The following DNAH17 variants were observed in gnomAD, a reference collection of about 807,000 sequenced individuals.
DNAH17 encodes dynein axonemal heavy chain 17, also known as axonemal beta dynein heavy chain 17.
Under a neutral mutation model 485.6 loss-of-function variants are expected in DNAH17, and 376 were observed. The observed-to-expected ratio is 0.77, with a 90% CI of 0.71 to 0.84. The LOEUF is 0.84. DNAH17 is among the 40% of genes least tolerant of loss of function. The probability of loss-of-function intolerance (pLI) is 0.00; values close to 1 mark genes in which losing one functional copy is unlikely to be tolerated. For synonymous variants in DNAH17, 3,031 were observed against 2,405.9 expected (o/e 1.26, Z -7.60); for missense variants, 6,370 against 5,839.3 (o/e 1.09, Z -2.96).
chr17:78,450,130 C>G, intron 68 of DNAH17, 124 bp downstream of exon 68: 3 of 1,172,228 alleles, frequency 2.6e-6, no homozygotes, highest in Non-Finnish European at 3.6e-6. Context: ...CAGGCTGGAC[C>G]AGGTCTGCCC....
chr17:78,534,517 G>A (rs1256409122), intron 19 of DNAH17, among the ~76,000 whole-genome samples: 2 of 152,214 alleles, frequency 1.3e-5, no homozygotes, highest in Admixed American at 6.5e-5. Flanking sequence ...GCTCGCCTGT[G>A]CCTGACATTT....
chr17:78,431,273 G>A (rs74001323), intron 75 of DNAH17, among the ~76,000 whole-genome samples: 2,748 of 152,226 alleles, frequency 0.018, 71 homozygotes, highest in African/African-American at 0.062. Flanking sequence ...AACTGTTTGC[G>A]GGCTGCTTTT....
intron 12 of DNAH17, 90 bp downstream of exon 12, chr17:78,561,625 G>T (rs2092156634): frequency 7.0e-7 from 1 of 1,427,058 alleles, no homozygotes. Context: ...TCGACAGGAG[G>T]GGTGGTCCCG....
At chr17:78,447,881 A>G (rs2087378101) in intron 69 of DNAH17, among the ~76,000 whole-genome samples, 1 of 152,150 alleles carries the variant, frequency 6.6e-6, no homozygotes, top group South Asian at 2.1e-4. Flanking sequence ...AAACATTTTA[A>G]AAAATTAGGG....
In DNAH17 at chr17:78,480,847, C is replaced by G. The variant is rs2089316519; in HGVS notation, c.7650-61G>C. On this transcript the variant is annotated intron_variant, in intron 48 of 80. Transcript: ENST00000389840. ...GGCCTGGAGGAACCATCCCCTGCCC[C>G]CACTGTGCTCCCAAGAATGCCCTCC... The G allele has an allele frequency of 1.7e-5, 20 of 1,168,276 alleles. No homozygotes were observed. The South Asian group carries it at 2.5e-4, about 14-fold the overall frequency. 72.4% of individuals were successfully genotyped at this position (1,168,276 alleles called of 1,614,324 possible).
At chr17:78,462,799 T>C (rs1338613733) in intron 57 of DNAH17, 45 bp downstream of exon 57, 3 of 1,598,720 alleles carry the variant, frequency 1.9e-6, no homozygotes, top group Non-Finnish European at 2.6e-6. Context: ...CTGCGAGGCC[T>C]CCAGGGAACG....
intron 75 of DNAH17, among the ~76,000 whole-genome samples, chr17:78,431,349 C>A (rs1033356689): frequency 2.0e-5 from 3 of 152,148 alleles, no homozygotes; most frequent in African/African-American, 7.2e-5. Flanking sequence ...AAGACCTGTG[C>A]CCCTCTCCCC....
rs142936533 is a variant in DNAH17, at chr17:78,543,753, A to G, written c.2532+104T>C. On this transcript the variant is annotated intron_variant, in intron 17 of 80. Coordinates refer to ENST00000389840, the MANE Select transcript of DNAH17 (RefSeq NM_173628.4). ...TCACAGACTTCTATGACTACAAGAAATGTGTCACTAATCATTTTTATGAAA... is the reference window on the plus strand; with the variant it reads ...TCACAGACTTCTATGACTACAAGAAGTGTGTCACTAATCATTTTTATGAAA... 2.4e-4 allele frequency: 372 copies of G among 1,533,136 alleles called. 1 individual carries two copies. The African/African-American group carries it at 4.5e-3, about 18-fold the overall frequency. The allele number at this position is 1,533,136 out of a possible 1,614,324, so 95.0% of individuals were successfully genotyped here. A position where few individuals can be genotyped will look rare whatever the true frequency, so the allele number is the denominator to read the frequency against.
intron 51 of DNAH17, among the ~76,000 whole-genome samples, chr17:78,478,710 CCACCACTATTGCCATCAT>C (rs987665531): frequency 1.4e-4 from 19 of 140,404 alleles, no homozygotes; most frequent in African/African-American, 6.1e-4. Context: ...ATTACCATCA[CCACCACTATTGCCATCAT>C]CACCACCATC....
intron 27 of DNAH17, 125 bp from the exon 28 acceptor site, chr17:78,507,930 T>A: frequency 2.3e-6 from 2 of 877,546 alleles, no homozygotes; most frequent in Non-Finnish European, 3.4e-6. Flanking sequence ...CAAACCAACG[T>A]ATTCACAGGA....
intron 39 of DNAH17, 34 bp downstream of exon 39, chr17:78,494,925 C>A (rs529293035): frequency 2.4e-5 from 38 of 1,595,170 alleles, no homozygotes; most frequent in South Asian, 1.3e-4. Flanking sequence ...CAAACTCCCA[C>A]CCACACCCGC....
intron 54 of DNAH17, among the ~76,000 whole-genome samples, chr17:78,470,901 A>T (rs1296941613): frequency 2.0e-5 from 3 of 152,226 alleles, no homozygotes; most frequent in Non-Finnish European, 4.4e-5. Context: ...AGATGGTTTC[A>T]TAGGAATTTT....
chr17:78,468,295 A>C (rs1328768316), intron 55 of DNAH17, among the ~76,000 whole-genome samples: 2 of 152,220 alleles, frequency 1.3e-5, no homozygotes, highest in Non-Finnish European at 2.9e-5. Flanking sequence ...CAAAAATACG[A>C]CACTGTTTTA....
intron 51 of DNAH17, 124 bp downstream of exon 51, chr17:78,478,901 T>C: frequency 2.7e-6 from 2 of 742,146 alleles, no homozygotes; most frequent in Admixed American, 2.8e-5. Context: ...TTATCATCAT[T>C]ATCATTACCA....
At chr17:78,522,748 CAAT>C (rs771921793) in intron 25 of DNAH17, 10 of 216,750 alleles carry the variant, frequency 4.6e-5, no homozygotes, top group Non-Finnish European at 7.9e-5. Flanking sequence ...CAGGCAAAAA[CAAT>C]AATGCCGAAA....
rs753632365 is a variant in DNAH17 at position 78,434,053 on chromosome 17, G to A, written c.12201C>T (p.Tyr4067=). Residue 4067 remains tyrosine, a synonymous_variant, in exon 75 of 81, where the codon TAC becomes TAT. Coordinates refer to ENST00000389840, the MANE Select transcript of DNAH17 (RefSeq NM_173628.4). Reference sequence around the variant, plus strand: ...CCTTGGGGTTGGCCTCCAGGTAGTTGTAGAGCACGTTGATGGAGATGGTGA... The same window carrying A: ...CCTTGGGGTTGGCCTCCAGGTAGTTATAGAGCACGTTGATGGAGATGGTGA... The part of the protein sequence containing the change: ...GDLTISINVL[Y]NYLEANPKVP... The A allele has an allele frequency of 1.9e-6, 3 of 1,611,624 alleles. No individual in the cohort carries two copies. The South Asian group carries it at 3.3e-5, about 18-fold the overall frequency.
chr17:78,490,752 G>A lies in DNAH17; in HGVS notation c.6765C>T (p.Thr2255=), dbSNP rs779627330. 40 of 1,605,772 alleles carry A rather than the reference G, an allele frequency of 2.5e-5. No homozygotes were observed. The highest frequency in any genetic ancestry group is 3.4e-5 in the Admixed American group (2 of 58,824). The stretch of plus-strand genomic sequence containing the variant: ...TGTAGAGGATGCCGGCTCTGGAAAC[G>A]GTGGCTGGGGTGGCCGTCCTCAGGT... ...ISHLRTATPA[T]VSRAGILYIN... is the part of the protein sequence containing the mutation. The change falls in exon 44 of 81, where the codon ACC becomes ACT. Residue 2255 remains threonine (T), a synonymous_variant. Coordinates refer to ENST00000389840, the MANE Select transcript of DNAH17 (RefSeq NM_173628.4).
chr17:78,468,524 T>C, intron 55 of DNAH17, 93 bp downstream of exon 55: 1 of 1,424,994 alleles, frequency 7.0e-7, no homozygotes. Flanking sequence ...GAAGGATCAG[T>C]CCTCCTGCTC....
chr17:78,429,053 T>C, intron 76 of DNAH17, 68 bp downstream of exon 76: 5 of 1,530,440 alleles, frequency 3.3e-6, no homozygotes, highest in Non-Finnish European at 3.6e-6. Context: ...CCATTTGTGC[T>C]GGCAGGCTCT....
Sources: allele counts gnomAD v4.1 joint callset (sites outside exome capture counted in the v4.1 genomes callset), GRCh38; gene constraint gnomAD v4.1.1; transcripts MANE v1.5; gene names NCBI Gene and HGNC (gene_info 2026-07-23, HGNC 2026-07-21).